Variants in USP34 observed in about 807,000 individuals in gnomAD.
USP34 encodes ubiquitin specific peptidase 34, also known as ubiquitin carboxyl-terminal hydrolase 34.
A neutral mutation model predicts 460.3 loss-of-function variants in USP34; 70 were observed. The ratio of observed to expected loss-of-function variants is 0.15; its 90% CI spans 0.13 to 0.19. USP34 has a LOEUF of 0.19. Ranked by LOEUF, USP34 falls within the 10% of genes least tolerant of loss-of-function variation. The pLI is 1.00. For synonymous variants in USP34, 1,647 were observed against 1,405.3 expected, an observed-to-expected ratio of 1.17 and a Z score of -3.85; for missense variants, 3,985 against 4,236.2, an observed-to-expected ratio of 0.94 and a Z score of 1.65.
At chr2:61,247,615 G>C (rs1434300743) in intron 49 of USP34, among the ~76,000 whole-genome samples, 1 of 152,014 alleles carries the variant, frequency 6.6e-6, no homozygotes, top group Non-Finnish European at 1.5e-5. Context: ...TGCAGCCCTG[G>C]ACTCCTGGGC....
chr2:61,228,612 C>G (rs1203742706), intron 61 of USP34, 33 bp downstream of exon 61: 2 of 1,586,556 alleles, frequency 1.3e-6, no homozygotes, highest in African/African-American at 2.7e-5. Context: ...ACCAGAGCCT[C>G]TAATACCTAA....
chr2:61,367,114 AG>A (rs1177287574), intron 10 of USP34, among the ~76,000 whole-genome samples: 1 of 152,230 alleles, frequency 6.6e-6, no homozygotes, highest in Non-Finnish European at 1.5e-5. Context: ...TAACAGAGGA[AG>A]AAATAATCCC....
chr2:61,316,168 T>A (rs1048962632), intron 23 of USP34, among the ~76,000 whole-genome samples: 12 of 152,038 alleles, frequency 7.9e-5, no homozygotes, highest in Admixed American at 1.3e-4. Context: ...ATTGTGCCAC[T>A]GCACTCCAGC....
At chr2:61,451,574 C>T (rs140905100) in intron 1 of USP34, among the ~76,000 whole-genome samples, 5,043 of 151,798 alleles carry the variant, frequency 0.033, 282 homozygotes, top group African/African-American at 0.12. Context: ...CCCAGCTACT[C>T]GGAAGGTTGA....
Position 61,204,333 on chromosome 2 carries a change from C to T in USP34, c.9307G>A (p.Gly3103Arg). Residue 3103 changes from glycine (G) to arginine (R), a missense_variant, in exon 74 of 80, where the codon GGA becomes AGA. Gly to Arg is a moderately radical substitution (Grantham distance 125). Transcript: ENST00000398571. ...FPCRENIKLI[G>R]GKSNIRPPRP... ...GGAGGCCGAATATTGCTTTTCCCTC[C>T]TATTAGCTTGATATTTTCTCGACAA... 6.2e-7 allele frequency: 1 copy of T among 1,614,152 alleles called. No homozygotes were observed. The highest frequency in any genetic ancestry group is 8.5e-7 in the Non-Finnish European group (1 of 1,180,030).
At chr2:61,261,706 C>T (rs6706786) in intron 43 of USP34, among the ~76,000 whole-genome samples, 82,903 of 151,968 alleles carry the variant, frequency 0.55, 23,631 homozygotes, top group African/African-American at 0.72. Flanking sequence ...CTTTAAACTT[C>T]ATGTGAGCAT....
intron 15 of USP34, 110 bp downstream of exon 15, chr2:61,347,760 T>C: frequency 2.0e-6 from 3 of 1,496,868 alleles, no homozygotes; most frequent in South Asian, 2.7e-5. Context: ...TAGTTTGCAC[T>C]ATACTACTAA....
chr2:61,296,354 G>T (rs1190512987), intron 30 of USP34, among the ~76,000 whole-genome samples: 1 of 151,662 alleles, frequency 6.6e-6, no homozygotes, highest in African/African-American at 2.4e-5. Context: ...TGTCCATATG[G>T]AAAAAAAATT....
chr2:61,241,699 A>G, intron 52 of USP34, 44 bp from the exon 53 acceptor site: 1 of 1,534,896 alleles, frequency 6.5e-7, no homozygotes, highest in Non-Finnish European at 8.8e-7. Flanking sequence ...TTGACAAAGT[A>G]TTACTCTAAA....
chr2:61,256,425 A>G lies in USP34; in HGVS notation c.6180T>C (p.Tyr2060=). The G allele has an allele frequency of 6.2e-7, 1 of 1,612,376 alleles. No homozygotes were observed. Among genetic ancestry groups the G allele is most frequent in the South Asian group, 1.1e-5 (1 of 90,666 alleles). ...IKDTLEGDNM[Y]TCSHCGKKVR... ...CTTTCTTCCCACAATGAGAACAAGT[A>G]TACATGTTATCACCTTCCAAAGTGT... The change falls in exon 48 of 80, where the codon TAT becomes TAC. Residue 2060 remains tyrosine, a synonymous_variant. Coordinates refer to ENST00000398571, the MANE Select transcript of USP34 (RefSeq NM_014709.4).
intron 75 of USP34, among the ~76,000 whole-genome samples, chr2:61,198,919 AAC>A (rs1686888294): frequency 6.6e-6 from 1 of 152,138 alleles, no homozygotes; most frequent in South Asian, 2.1e-4. Flanking sequence ...GTGGTTACCA[AAC>A]ACTTTTTTGT....
At chr2:61,316,396 T>C (rs34835259) in intron 23 of USP34, among the ~76,000 whole-genome samples, 24,138 of 145,880 alleles carry the variant, frequency 0.17, 2,306 homozygotes, top group South Asian at 0.38. Context: ...ACTAGTCTGG[T>C]CAACGTGGTG....
chr2:61,433,218 T>C (rs1214384913), intron 1 of USP34, among the ~76,000 whole-genome samples: 1 of 152,100 alleles, frequency 6.6e-6, no homozygotes, highest in Non-Finnish European at 1.5e-5. Context: ...TGCAGCCCCA[T>C]CTCCCCTCAC....
intron 5 of USP34, among the ~76,000 whole-genome samples, chr2:61,384,243 T>A (rs1261227334): frequency 6.6e-6 from 1 of 152,222 alleles, no homozygotes; most frequent in African/African-American, 2.4e-5. Context: ...CACAATATTT[T>A]AACATTTATA....
chr2:61,264,032 C>T (rs1361183789), intron 43 of USP34, among the ~76,000 whole-genome samples: 1 of 152,064 alleles, frequency 6.6e-6, no homozygotes, highest in Non-Finnish European at 1.5e-5. Flanking sequence ...ACCAAGTTGC[C>T]AGCTAAAAAG....
intron 75 of USP34, among the ~76,000 whole-genome samples, chr2:61,199,262 C>CT (rs984645540): frequency 6.4e-4 from 95 of 147,526 alleles, no homozygotes; most frequent in Middle Eastern, 3.5e-3. Context: ...CAATTAAGTC[C>CT]TTTTTTTTTT....
chr2:61,409,879 G>C (rs1427011051), intron 2 of USP34, among the ~76,000 whole-genome samples: 1 of 152,072 alleles, frequency 6.6e-6, no homozygotes, highest in Non-Finnish European at 1.5e-5. Flanking sequence ...AGTTCAAAAA[G>C]GGCTGTGAGT....
chr2:61,290,692 T>C (rs1409971334), intron 33 of USP34, among the ~76,000 whole-genome samples: 1 of 152,162 alleles, frequency 6.6e-6, no homozygotes, highest in Non-Finnish European at 1.5e-5. Flanking sequence ...GGAAATATTC[T>C]TTGTTTGGAT....
intron 3 of USP34, among the ~76,000 whole-genome samples, chr2:61,396,495 T>A (rs1411045567): frequency 6.6e-6 from 1 of 151,682 alleles, no homozygotes; most frequent in African/African-American, 2.4e-5. Context: ...CAGCTAATTT[T>A]TTTTTTTTTT....
Sources: allele counts gnomAD v4.1 joint callset (sites outside exome capture counted in the v4.1 genomes callset), GRCh38; gene constraint gnomAD v4.1.1; transcripts MANE v1.5; gene names NCBI Gene and HGNC (gene_info 2026-07-23, HGNC 2026-07-21).